Variants in DNAJC1 observed in about 807,000 individuals in gnomAD.
DNAJC1 encodes the protein dnaJ homolog subfamily C member 1.
DNAJC1 carries 58 observed loss-of-function variants against 76.6 expected under a neutral mutation model. The observed-to-expected ratio is 0.76, with a 90% CI of 0.61 to 0.94. The LOEUF (loss-of-function observed/expected upper bound fraction) is 0.94. Among genes scored for constraint, DNAJC1 ranks in the 40% least tolerant of loss-of-function variants. The pLI, the probability that DNAJC1 is intolerant of heterozygous loss-of-function variation, is 0.00. For missense variants in DNAJC1, 689 were observed against 677.3 expected (o/e 1.02, Z -0.19); for synonymous variants, 258 against 267.9 (o/e 0.96, Z 0.36).
intron 1 of DNAJC1, among the ~76,000 whole-genome samples, chr10:21,992,364 G>C (rs1838339673): frequency 6.6e-6 from 1 of 152,112 alleles, no homozygotes; most frequent in African/African-American, 2.4e-5. Context: ...TAATATTTTA[G>C]TATATTGGGT....
intron 8 of DNAJC1, among the ~76,000 whole-genome samples, chr10:21,880,131 T>A (rs1040275780): frequency 6.6e-6 from 1 of 152,228 alleles, no homozygotes; most frequent in Non-Finnish European, 1.5e-5. Context: ...CAACTCCTTA[T>A]CTCTTCAAGT....
intron 9 of DNAJC1, among the ~76,000 whole-genome samples, chr10:21,777,423 G>T (rs146251945): frequency 6.6e-6 from 1 of 152,176 alleles, no homozygotes; most frequent in African/African-American, 2.4e-5. Context: ...AGCATAATGA[G>T]TCCTTGGATA....
At chr10:21,757,754 AGGCCCAGGCTCC>A (rs1170736661) in intron 11 of DNAJC1, among the ~76,000 whole-genome samples, 2 of 152,216 alleles carry the variant, frequency 1.3e-5, no homozygotes, top group Admixed American at 6.5e-5. Context: ...CACGGCAGCC[AGGCCCAGGCTCC>A]GGGACAGCAG....
chr10:21,962,542 A>C (rs1837814104), intron 1 of DNAJC1, among the ~76,000 whole-genome samples: 1 of 136,554 alleles, frequency 7.3e-6, no homozygotes, highest in Non-Finnish European at 1.5e-5. Flanking sequence ...CACATGGTTC[A>C]CTGCAGCCCT....
At chr10:21,816,700 C>A (rs1380137724) in intron 8 of DNAJC1, among the ~76,000 whole-genome samples, 1 of 150,912 alleles carries the variant, frequency 6.6e-6, no homozygotes, top group Non-Finnish European at 1.5e-5. Context: ...CGCCACCCAC[C>A]ATGACCAGCT....
At chr10:21,970,384 C>A (rs1837958591) in intron 1 of DNAJC1, among the ~76,000 whole-genome samples, 1 of 151,848 alleles carries the variant, frequency 6.6e-6, no homozygotes, top group Admixed American at 6.6e-5. Flanking sequence ...CATTTCTTAA[C>A]AGGTATTAAA....
chr10:21,917,482 T>C (rs540357993), intron 6 of DNAJC1, among the ~76,000 whole-genome samples: 1 of 152,042 alleles, frequency 6.6e-6, no homozygotes, highest in Non-Finnish European at 1.5e-5. Flanking sequence ...GGTTTGCCTA[T>C]TGCACGGATT....
At chr10:21,819,334 G>A (rs1835120774) in intron 8 of DNAJC1, among the ~76,000 whole-genome samples, 1 of 152,060 alleles carries the variant, frequency 6.6e-6, no homozygotes, top group Non-Finnish European at 1.5e-5. Context: ...CCAGGAGGCA[G>A]AGGTTGCAGT....
intron 1 of DNAJC1, among the ~76,000 whole-genome samples, chr10:21,931,885 A>G (rs1020296780): frequency 1.3e-5 from 2 of 152,262 alleles, no homozygotes; most frequent in Non-Finnish European, 2.9e-5. Flanking sequence ...TTTTCATATT[A>G]GATCTACTGG....
intron 10 of DNAJC1, among the ~76,000 whole-genome samples, chr10:21,760,218 G>A (rs1311690360): frequency 6.6e-6 from 1 of 152,184 alleles, no homozygotes; most frequent in African/African-American, 2.4e-5. Flanking sequence ...AGGAGTTTGA[G>A]GCTGCAGTCA....
At position 21,840,794 on chromosome 10, in the gene DNAJC1, A is replaced by C. The variant is rs529901908; in HGVS notation, c.979-34695T>G. On this transcript the variant is annotated intron_variant, in intron 8 of 11. Coordinates refer to ENST00000376980, the MANE Select transcript of DNAJC1 (RefSeq NM_022365.4). Reference sequence around the variant, plus strand: ...GAACCAAAAAAGAGCCTGCATCGCCAAGTCAATCCTAAGCCAAAGAACAAA... The same window carrying C: ...GAACCAAAAAAGAGCCTGCATCGCCCAGTCAATCCTAAGCCAAAGAACAAA... Among the ~76,000 whole-genome samples, 3 of 152,340 alleles carry C rather than the reference A, an allele frequency of 2.0e-5. No homozygotes were observed. In the East Asian group the frequency reaches 5.8e-4, roughly 29 times the overall value.
At chr10:21,945,470 A>G (rs914545022) in intron 1 of DNAJC1, among the ~76,000 whole-genome samples, 7 of 152,184 alleles carry the variant, frequency 4.6e-5, no homozygotes, top group Non-Finnish European at 1.0e-4. Flanking sequence ...GACAGATAGC[A>G]GCACTGACAG....
At chr10:21,813,202 CTCTCTCTCTCTCTCTCTCTATA>C (rs1197159227) in intron 8 of DNAJC1, among the ~76,000 whole-genome samples, 38 of 79,512 alleles carry the variant, frequency 4.8e-4, no homozygotes, top group East Asian at 6.7e-4. Context: ...CTCTCTCTCT[CTCTCTCTCTCTCTCTCTCTATA>C]TATATATATA....
At chr10:21,757,670 C>G (rs914484744) in intron 11 of DNAJC1, among the ~76,000 whole-genome samples, 1 of 152,146 alleles carries the variant, frequency 6.6e-6, no homozygotes, top group African/African-American at 2.4e-5. Context: ...AACATACTGC[C>G]AAAACCAGAT....
In DNAJC1 at chr10:21,881,872, C is replaced by T. The variant is rs370948931; in HGVS notation, c.978+410G>A. On this transcript the variant is annotated intron_variant, in intron 8 of 11. Transcript: ENST00000376980. ...AAAAAAAAAAAAAAAAAAAAAAAACCGGCCAGGCACGGTGGCTCACACCTG... is the reference window on the plus strand; with the variant it reads ...AAAAAAAAAAAAAAAAAAAAAAAACTGGCCAGGCACGGTGGCTCACACCTG... Among the ~76,000 whole-genome samples, 294 of 144,442 alleles carry T rather than the reference C, an allele frequency of 2.0e-3. 4 individuals are homozygous for T. In the East Asian group the frequency reaches 0.039, roughly 19 times the overall value. The allele number at this position is 144,442 out of a possible 152,430, so 94.8% of individuals were successfully genotyped here. A position where few individuals can be genotyped will look rare whatever the true frequency, so the allele number is the denominator to read the frequency against.
intron 8 of DNAJC1, among the ~76,000 whole-genome samples, chr10:21,817,451 GC>G (rs1835094226): frequency 6.6e-6 from 1 of 150,864 alleles, no homozygotes; most frequent in African/African-American, 2.4e-5. Flanking sequence ...TTTATTTTTA[GC>G]TTCATGTTTC....
At chr10:21,907,077 AAC>A (rs1038688957) in intron 6 of DNAJC1, among the ~76,000 whole-genome samples, 6 of 152,112 alleles carry the variant, frequency 3.9e-5, no homozygotes, top group Admixed American at 6.6e-5. Flanking sequence ...GCCAAATTTG[AAC>A]ATTTTCCCTG....
intron 1 of DNAJC1, among the ~76,000 whole-genome samples, chr10:21,955,874 C>G (rs1167008418): frequency 6.6e-6 from 1 of 152,094 alleles, no homozygotes; most frequent in Non-Finnish European, 1.5e-5. Context: ...TGTCTTTGTC[C>G]ATCTGTTTTG....
At chr10:21,777,959 G>A (rs774349087) in intron 9 of DNAJC1, among the ~76,000 whole-genome samples, 2 of 152,154 alleles carry the variant, frequency 1.3e-5, no homozygotes, top group Non-Finnish European at 2.9e-5. Context: ...AGTCCAAGGC[G>A]GGTGGATCAC....
Sources: gnomAD v4.1 joint callset for allele counts (sites outside exome capture counted in the v4.1 genomes callset) on GRCh38, gnomAD v4.1.1 for gene constraint, MANE v1.5 for transcripts, NCBI Gene and HGNC (gene_info 2026-07-23, HGNC 2026-07-21) for gene names.